Variants in SDHA observed in about 807,000 individuals in gnomAD.
The protein encoded by SDHA is succinate dehydrogenase complex flavoprotein subunit A, also known as succinate dehydrogenase [ubiquinone] flavoprotein subunit, mitochondrial.
In SDHA, 48 loss-of-function variants were observed where a neutral mutation model predicts 78.4. That is an observed-to-expected ratio of 0.61 (90% CI 0.49 to 0.78). The LOEUF (loss-of-function observed/expected upper bound fraction) is 0.78. Ranked by LOEUF, SDHA falls within the 30% of genes least tolerant of loss-of-function variation. SDHA has a pLI of 0.00. For synonymous variants in SDHA, 326 were observed against 353.9 expected (o/e 0.92, Z 0.88); for missense variants, 680 against 892.7 (o/e 0.76, Z 3.04).
intron 9 of SDHA, chr5:236,039 C>G: frequency 3.7e-6 from 1 of 271,934 alleles, no homozygotes; most frequent in Admixed American, 4.6e-5. Flanking sequence ...CTTTTTTTTT[C>G]TTGGAGATGC....
downstream of SDHA, among the ~76,000 whole-genome samples, chr5:257,361 A>G (rs547919542): frequency 7.2e-6 from 1 of 138,150 alleles, no homozygotes; most frequent in East Asian, 2.2e-4. Context: ...GAACTCCGCC[A>G]CCTGTCAGAG....
chr5:237,331 G>A (rs1294604552), intron 10 of SDHA, among the ~76,000 whole-genome samples: 4 of 134,914 alleles, frequency 3.0e-5, no homozygotes, highest in Non-Finnish European at 6.0e-5. Context: ...TAGAAACAAA[G>A]TACAGCTAGC....
intron 7 of SDHA, among the ~76,000 whole-genome samples, 198 bp from the exon 8 acceptor site, chr5:233,279 G>A (rs538943024): frequency 2.0e-5 from 3 of 152,336 alleles, no homozygotes; most frequent in Admixed American, 2.0e-4. Context: ...AGCCTCTGCT[G>A]CAGCTGTCAG....
chr5:249,254 C>T (rs1180175085), intron 11 of SDHA: 1 of 253,020 alleles, frequency 4.0e-6, no homozygotes, highest in East Asian at 1.5e-4. Flanking sequence ...GATCCTGACT[C>T]TGCAAGAAGT....
At chr5:226,878 G>A (rs1365926734) in intron 5 of SDHA, among the ~76,000 whole-genome samples, 9 of 129,948 alleles carry the variant, frequency 6.9e-5, no homozygotes, top group Non-Finnish European at 9.5e-5. Flanking sequence ...GCAGTGAGCC[G>A]AGATCGCACC....
chr5:242,846 A>T (rs1736231353), intron 11 of SDHA, among the ~76,000 whole-genome samples: 1 of 152,192 alleles, frequency 6.6e-6, no homozygotes, highest in Non-Finnish European at 1.5e-5. Flanking sequence ...GAACCTTTTC[A>T]TGCTAATAAT....
At position 254,965 on chromosome 5, in the gene SDHA, G is replaced by A. The variant is rs1292960000; in HGVS notation, c.1908+459G>A. Among the ~76,000 whole-genome samples, 11 of 152,076 alleles carry A rather than the reference G, an allele frequency of 7.2e-5. No homozygotes were observed. The East Asian group carries it at 2.1e-3, about 30-fold the overall frequency. Reference sequence around the variant, plus strand: ...GTCTGCAGGGGAGCTGAGGGGATGTGGTGCAGCCTTTAGCATCCCCTGGGC... The same window carrying A: ...GTCTGCAGGGGAGCTGAGGGGATGTAGTGCAGCCTTTAGCATCCCCTGGGC... On this transcript the variant is annotated intron_variant, in intron 14 of 14. Transcript: ENST00000264932.
At chr5:228,892 A>G (rs531438196) in intron 6 of SDHA, among the ~76,000 whole-genome samples, 111 of 152,284 alleles carry the variant, frequency 7.3e-4, no homozygotes, top group African/African-American at 2.5e-3. Flanking sequence ...GCAAAAAAAA[A>G]ACCCTACTAA....
intron 9 of SDHA, 23 bp downstream of exon 9, chr5:235,362 C>A (rs1366364656): frequency 1.2e-6 from 2 of 1,612,928 alleles, no homozygotes; most frequent in African/African-American, 2.7e-5. Context: ...GCTCCTCCCC[C>A]ACAGCTGGAA....
At chr5:262,431 C>G in the SDHA span, among the ~76,000 whole-genome samples, 1 of 134,574 alleles carries the variant, frequency 7.4e-6, no homozygotes, top group Non-Finnish European at 1.7e-5. Flanking sequence ...CATTACTGGG[C>G]GAGCTCCGCC....
intron 11 of SDHA, among the ~76,000 whole-genome samples, chr5:243,634 G>A (rs10055295): frequency 0.24 from 36,489 of 151,924 alleles, 6,769 homozygotes; most frequent in African/African-American, 0.52. Context: ...AGAACCGTAC[G>A]CTGATTTTAT....
intron 10 of SDHA, among the ~76,000 whole-genome samples, chr5:239,681 C>T (rs1736021061): frequency 6.6e-6 from 1 of 152,102 alleles, no homozygotes; most frequent in Non-Finnish European, 1.5e-5. Flanking sequence ...GGTGGCCGGC[C>T]CCTTGGGACC....
chr5:266,867 G>A, the SDHA span, among the ~76,000 whole-genome samples: 1 of 151,962 alleles, frequency 6.6e-6, no homozygotes, highest in Non-Finnish European at 1.5e-5. Context: ...CAGTAGACAC[G>A]GTGGCCGCTG....
chr5:257,205 G>A (rs1468786493), downstream of SDHA, among the ~76,000 whole-genome samples: 1 of 152,152 alleles, frequency 6.6e-6, no homozygotes, highest in Non-Finnish European at 1.5e-5. Flanking sequence ...GTGTGTCCTT[G>A]ATTATTCAAA....
At chr5:229,245 C>T (rs1397967838) in intron 6 of SDHA, among the ~76,000 whole-genome samples, 1 of 152,234 alleles carries the variant, frequency 6.6e-6, no homozygotes, top group Admixed American at 6.5e-5. Context: ...TGTGCTCCAG[C>T]AACCCCATTT....
chr5:265,832 AAG>A, the SDHA span, among the ~76,000 whole-genome samples: 2 of 142,684 alleles, frequency 1.4e-5, no homozygotes, highest in South Asian at 2.1e-4. Flanking sequence ...AAAAAAAAAA[AAG>A]AGTTGTCAAA....
At chr5:259,135 T>G (rs1737390774), downstream of SDHA, among the ~76,000 whole-genome samples, 1 of 51,280 alleles carries the variant, frequency 2.0e-5, no homozygotes. Flanking sequence ...CATTACCGTG[T>G]GAGCTCCGCC....
intron 11 of SDHA, among the ~76,000 whole-genome samples, chr5:248,813 TCAG>T (rs902482732): frequency 2.0e-4 from 31 of 152,306 alleles, no homozygotes; most frequent in African/African-American, 5.8e-4. Context: ...CACACTATGT[TCAG>T]CTGGTCTGAA....
chr5:267,756 T>C, the SDHA span, among the ~76,000 whole-genome samples: 9 of 152,248 alleles, frequency 5.9e-5, no homozygotes, highest in Non-Finnish European at 1.3e-4. Context: ...TCTCAACTTC[T>C]GGAGAGCTTA....
Sources: gnomAD v4.1 joint callset for allele counts (sites outside exome capture counted in the v4.1 genomes callset) on GRCh38, gnomAD v4.1.1 for gene constraint, MANE v1.5 for transcripts, NCBI Gene and HGNC (gene_info 2026-07-23, HGNC 2026-07-21) for gene names.